GBE1: variants seen among roughly 807,000 people sequenced by gnomAD.
The protein encoded by GBE1 is 1,4-alpha-glucan-branching enzyme.
In GBE1, 70 loss-of-function variants were observed where a neutral mutation model predicts 88.8. The ratio of observed to expected loss-of-function variants is 0.79; its 90% CI spans 0.65 to 0.96. The LOEUF (loss-of-function observed/expected upper bound fraction) is 0.96, where lower values mean the gene tolerates loss of function less well. Among genes scored for constraint, GBE1 ranks in the 40% least tolerant of loss-of-function variants. The pLI, the probability that GBE1 is intolerant of heterozygous loss-of-function variation, is 0.00. For synonymous variants in GBE1, 284 were observed against 300.1 expected (o/e 0.95, Z 0.56); for missense variants, 872 against 871.0 (o/e 1.00, Z -0.01).
chr3:81,598,750 A>C (rs955347214), intron 7 of GBE1, among the ~76,000 whole-genome samples: 1 of 151,740 alleles, frequency 6.6e-6, no homozygotes. Context: ...ATTAATTTCA[A>C]ATACTGTTAA....
chr3:81,667,061 G>A (rs959565400), intron 3 of GBE1, among the ~76,000 whole-genome samples: 5 of 152,100 alleles, frequency 3.3e-5, no homozygotes, highest in Non-Finnish European at 5.9e-5. Context: ...ATATTATTCT[G>A]AACTAGAGAC....
intron 12 of GBE1, among the ~76,000 whole-genome samples, chr3:81,539,525 A>G (rs190592362): frequency 5.9e-4 from 90 of 152,120 alleles, no homozygotes; most frequent in Admixed American, 2.5e-3. Flanking sequence ...ATGTGGAAAA[A>G]AGACTGGATA....
At chr3:81,556,972 T>A (rs1040852726) in intron 12 of GBE1, among the ~76,000 whole-genome samples, 4 of 152,118 alleles carry the variant, frequency 2.6e-5, no homozygotes, top group Admixed American at 2.0e-4. Context: ...ATAAAAAGCA[T>A]CAACATAAAC....
At chr3:81,636,888 A>G (rs957375051) in intron 7 of GBE1, among the ~76,000 whole-genome samples, 1 of 152,138 alleles carries the variant, frequency 6.6e-6, no homozygotes, top group Non-Finnish European at 1.5e-5. Flanking sequence ...ATGATGCTAT[A>G]TTACTTCAAT....
Position 81,490,269 on chromosome 3 carries a change from C to T in GBE1, c.*138G>A. On this transcript the variant is annotated 3_prime_UTR_variant, in exon 16 of 16. Transcript: ENST00000429644. ...AAAAGTTTGCTGTATTTGCATAAAC[C>T]AATATTGAATTTCAGACACTTGATG... The T allele has an allele frequency of 1.4e-6, 1 of 719,222 alleles. No individual in the cohort carries two copies. Among genetic ancestry groups the T allele is most frequent in the Admixed American group, 2.5e-5 (1 of 39,770 alleles). 44.6% of individuals were successfully genotyped at this position (719,222 alleles called of 1,614,324 possible).
intron 1 of GBE1, among the ~76,000 whole-genome samples, chr3:81,725,541 T>C (rs1423978852): frequency 6.6e-6 from 1 of 152,162 alleles, no homozygotes. Flanking sequence ...TACATAGTAG[T>C]AGTACACTGT....
chr3:81,703,544 A>C, intron 2 of GBE1, among the ~76,000 whole-genome samples: 1 of 151,990 alleles, frequency 6.6e-6, no homozygotes. Flanking sequence ...ATTTTATCTT[A>C]AGTTATTAAT....
intron 7 of GBE1, among the ~76,000 whole-genome samples, chr3:81,633,022 G>C (rs1704538329): frequency 6.6e-6 from 1 of 152,072 alleles, no homozygotes; most frequent in African/African-American, 2.4e-5. Context: ...CAATTGTTCT[G>C]AATTTTGTCC....
chr3:81,752,616 T>A (rs1292765422), intron 1 of GBE1, among the ~76,000 whole-genome samples: 1 of 152,216 alleles, frequency 6.6e-6, no homozygotes, highest in Non-Finnish European at 1.5e-5. Flanking sequence ...CAGCTTATAG[T>A]AAACTGGCAA....
intron 14 of GBE1, among the ~76,000 whole-genome samples, chr3:81,502,583 T>G (rs1702602906): frequency 6.6e-6 from 1 of 152,210 alleles, no homozygotes; most frequent in South Asian, 2.1e-4. Flanking sequence ...AGCTTTATAA[T>G]TGTGAATTGC....
intron 7 of GBE1, among the ~76,000 whole-genome samples, chr3:81,617,343 C>T (rs1704262072): frequency 6.6e-6 from 1 of 152,022 alleles, no homozygotes; most frequent in African/African-American, 2.4e-5. Flanking sequence ...AGACGTTAGC[C>T]ACTAAGTATA....
chr3:81,612,237 AAAAAAAC>A, intron 7 of GBE1: 1 of 518,290 alleles, frequency 1.9e-6, no homozygotes. Context: ...AAAAAAAAAA[AAAAAAAC>A]TTAAAGAAGC....
At chr3:81,722,894 G>GTA (rs757742488) in intron 1 of GBE1, among the ~76,000 whole-genome samples, 21,974 of 134,244 alleles carry the variant, frequency 0.16, 1,855 homozygotes, top group African/African-American at 0.26. Context: ...GTGTGTGTGT[G>GTA]TGTATATATA....
At chr3:81,653,298 T>C (rs751977961) in intron 3 of GBE1, among the ~76,000 whole-genome samples, 2 of 151,970 alleles carry the variant, frequency 1.3e-5, no homozygotes, top group African/African-American at 4.8e-5. Context: ...ACCTGGTCTC[T>C]ACAAAAGATT....
chr3:81,642,975 A>G lies in GBE1; in HGVS notation c.798T>C (p.Pro266=). The G allele has an allele frequency of 6.2e-7, 1 of 1,609,380 alleles. No homozygotes were observed. Among genetic ancestry groups the G allele is most frequent in the Non-Finnish European group, 8.5e-7 (1 of 1,177,068 alleles). ...TGTCTACCAGTTCTTGTAGCTCTTC[A>G]GGTGTTCCATAACGGCTAACAATGA... is the stretch of plus-strand genomic sequence containing the variant. ...FFAASSRYGT[P]EELQELVDTA... is the part of the protein sequence containing the mutation. The change falls in exon 7 of 16, where the codon CCT becomes CCC. Residue 266 remains proline, a synonymous_variant. Transcript: ENST00000429644.
intron 3 of GBE1, among the ~76,000 whole-genome samples, chr3:81,660,406 A>G (rs912107286): frequency 6.6e-6 from 1 of 152,044 alleles, no homozygotes; most frequent in Admixed American, 6.5e-5. Context: ...GCCAAGGCAC[A>G]AGGCAGCAAA....
At chr3:81,647,461 G>A (rs938642822) in intron 5 of GBE1, among the ~76,000 whole-genome samples, 13 of 151,892 alleles carry the variant, frequency 8.6e-5, no homozygotes, top group Non-Finnish European at 1.8e-4. Context: ...TTAAAAATCC[G>A]TAACATTAAA....
intron 2 of GBE1, among the ~76,000 whole-genome samples, chr3:81,700,952 A>G (rs1315702204): frequency 1.3e-5 from 2 of 152,160 alleles, no homozygotes; most frequent in Non-Finnish European, 2.9e-5. Flanking sequence ...ATATTGACAT[A>G]TGTAGTTTAC....
intron 1 of GBE1, among the ~76,000 whole-genome samples, chr3:81,738,803 C>T (rs1042444860): frequency 1.3e-5 from 2 of 152,142 alleles, no homozygotes; most frequent in Admixed American, 6.6e-5. Context: ...TTATTATCCT[C>T]ATGTTATAGA....
Sources: allele counts gnomAD v4.1 joint callset (sites outside exome capture counted in the v4.1 genomes callset), GRCh38; gene constraint gnomAD v4.1.1; transcripts MANE v1.5; gene names NCBI Gene and HGNC (gene_info 2026-07-23, HGNC 2026-07-21).